Variants in WWOX observed in about 807,000 individuals in gnomAD.
WWOX encodes WW domain-containing oxidoreductase.
In WWOX, 69 loss-of-function variants were observed where a neutral mutation model predicts 46.2. The observed-to-expected ratio is 1.49, with a 90% CI of 1.23 to 1.82. The LOEUF is 1.82. Among genes scored for constraint, WWOX ranks in the 40% most tolerant of loss-of-function variants. WWOX has a pLI of 0.00. For synonymous variants in WWOX, 359 were observed against 202.6 expected (o/e 1.77, Z -6.56); for missense variants, 919 against 542.6 (o/e 1.69, Z -6.89).
At chr16:79,048,442 T>C (rs1213152987) in intron 8 of WWOX, among the ~76,000 whole-genome samples, 5 of 152,076 alleles carry the variant, frequency 3.3e-5, no homozygotes, top group African/African-American at 1.2e-4. Context: ...TAATTAGGGC[T>C]TCAGAGTTCA....
chr16:79,006,139 C>G (rs2047185927), intron 8 of WWOX, among the ~76,000 whole-genome samples: 1 of 152,196 alleles, frequency 6.6e-6, no homozygotes, highest in African/African-American at 2.4e-5. Flanking sequence ...GCAACAAAGA[C>G]AATGAGCGCT....
At chr16:78,401,983 G>A (rs529955506) in intron 6 of WWOX, among the ~76,000 whole-genome samples, 1 of 152,148 alleles carries the variant, frequency 6.6e-6, no homozygotes, top group Admixed American at 6.6e-5. Context: ...ACAGGCGTGA[G>A]CCCCTATGCC....
At chr16:79,206,129 A>G (rs1179228646) in intron 8 of WWOX, 1 of 151,040 alleles carries the variant, frequency 6.6e-6, no homozygotes, top group African/African-American at 2.5e-5. Flanking sequence ...AAATCAATGG[A>G]AAAAAAAATC....
intron 8 of WWOX, among the ~76,000 whole-genome samples, chr16:78,515,956 T>C (rs1567616797): frequency 6.6e-6 from 1 of 152,136 alleles, no homozygotes; most frequent in Non-Finnish European, 1.5e-5. Context: ...AGTCAATCAG[T>C]CAATCAATCA....
At chr16:78,718,618 G>A (rs890472978) in intron 8 of WWOX, among the ~76,000 whole-genome samples, 1 of 152,014 alleles carries the variant, frequency 6.6e-6, no homozygotes, top group Non-Finnish European at 1.5e-5. Context: ...GACGGTGGGA[G>A]GATCCCTTGA....
intron 5 of WWOX, among the ~76,000 whole-genome samples, chr16:78,314,751 C>A (rs185401412): frequency 3.0e-4 from 31 of 103,808 alleles, no homozygotes; most frequent in African/African-American, 1.2e-3. Context: ...AGGGTTTCTT[C>A]ATGTTGGCCT....
intron 8 of WWOX, among the ~76,000 whole-genome samples, chr16:78,512,070 C>T (rs747349030): frequency 5.3e-5 from 8 of 152,168 alleles, no homozygotes; most frequent in Non-Finnish European, 1.0e-4. Context: ...GTTATTCCAT[C>T]CAAGATTCTA....
intron 8 of WWOX, among the ~76,000 whole-genome samples, chr16:79,189,714 C>G (rs1317402253): frequency 6.6e-6 from 1 of 151,754 alleles, no homozygotes; most frequent in Non-Finnish European, 1.5e-5. Context: ...AGAAATGGAG[C>G]AAGGGAGGGG....
At chr16:79,166,655 A>G (rs934886398) in intron 8 of WWOX, among the ~76,000 whole-genome samples, 4 of 152,180 alleles carry the variant, frequency 2.6e-5, no homozygotes, top group African/African-American at 9.7e-5. Flanking sequence ...TACCAATTTC[A>G]TTTAATAGAA....
intron 5 of WWOX, among the ~76,000 whole-genome samples, chr16:78,323,714 C>T (rs1023835983): frequency 1.3e-5 from 2 of 152,156 alleles, no homozygotes; most frequent in Non-Finnish European, 2.9e-5. Flanking sequence ...ATCAGGAAAA[C>T]ATGTTTCTAT....
At chr16:78,372,702 T>C (rs565906552) in intron 5 of WWOX, among the ~76,000 whole-genome samples, 79 of 152,320 alleles carry the variant, frequency 5.2e-4, no homozygotes, top group African/African-American at 1.9e-3. Context: ...AGTTATAGGC[T>C]TTTAAGGTCA....
intron 6 of WWOX, among the ~76,000 whole-genome samples, chr16:78,423,171 C>A (rs183251736): frequency 6.6e-6 from 1 of 152,100 alleles, no homozygotes; most frequent in Non-Finnish European, 1.5e-5. Flanking sequence ...AGGCGTGAGC[C>A]GCCATGCCTG....
chr16:78,621,846 C>G (rs909341041), intron 8 of WWOX, among the ~76,000 whole-genome samples: 3 of 151,974 alleles, frequency 2.0e-5, no homozygotes, highest in Admixed American at 6.5e-5. Context: ...ACCTCATGAT[C>G]TGCCTACCTT....
chr16:78,324,924 C>G (rs766830276), intron 5 of WWOX, among the ~76,000 whole-genome samples: 1 of 152,098 alleles, frequency 6.6e-6, no homozygotes, highest in Non-Finnish European at 1.5e-5. Context: ...TATGGTATGT[C>G]AATTATATCT....
chr16:78,511,550 G>A (rs531432980), intron 8 of WWOX, among the ~76,000 whole-genome samples: 1 of 152,268 alleles, frequency 6.6e-6, no homozygotes, highest in African/African-American at 2.4e-5. Context: ...AAATGGATTC[G>A]AGTGATTACA....
intron 8 of WWOX, among the ~76,000 whole-genome samples, chr16:79,128,586 T>G (rs1244754335): frequency 6.6e-6 from 1 of 152,146 alleles, no homozygotes; most frequent in African/African-American, 2.4e-5. Context: ...TTATAACGGT[T>G]TGATTTCAGT....
intron 8 of WWOX, among the ~76,000 whole-genome samples, chr16:78,479,497 G>A (rs1334597274): frequency 6.6e-6 from 1 of 152,202 alleles, no homozygotes; most frequent in African/African-American, 2.4e-5. Flanking sequence ...TGGTAGTACT[G>A]TGAAGATTAT....
At chr16:78,798,314 A>AG (rs1313817722) in intron 8 of WWOX, among the ~76,000 whole-genome samples, 1 of 151,544 alleles carries the variant, frequency 6.6e-6, no homozygotes, top group Non-Finnish European at 1.5e-5. Flanking sequence ...CAAGAGAGAG[A>AG]AAAAAAAAGA....
intron 8 of WWOX, among the ~76,000 whole-genome samples, chr16:78,629,361 G>A (rs2548866): frequency 0.79 from 119,728 of 151,934 alleles, 47,388 homozygotes; most frequent in Middle Eastern, 0.82. Context: ...AGTTAGTGCC[G>A]TATATAGCAG....
Sources: gnomAD v4.1 joint callset for allele counts (sites outside exome capture counted in the v4.1 genomes callset) on GRCh38, gnomAD v4.1.1 for gene constraint, MANE v1.5 for transcripts, NCBI Gene and HGNC (gene_info 2026-07-23, HGNC 2026-07-21) for gene names.